OAS2: variants seen among roughly 807,000 people sequenced by gnomAD.
OAS2 encodes the protein 2'-5'-oligoadenylate synthase 2.
A neutral mutation model predicts 71.3 loss-of-function variants in OAS2; 67 were observed. That is an observed-to-expected ratio of 0.94 (90% CI 0.77 to 1.15). The LOEUF (loss-of-function observed/expected upper bound fraction) is 1.15, where lower values mean the gene tolerates loss of function less well. Among genes scored for constraint, OAS2 ranks in the 50% most tolerant of loss-of-function variants. The pLI, the probability that OAS2 is intolerant of heterozygous loss-of-function variation, is 0.00. For missense variants in OAS2, 789 were observed against 822.5 expected, an observed-to-expected ratio of 0.96 and a Z score of 0.50; for synonymous variants, 327 against 321.8, an observed-to-expected ratio of 1.02 and a Z score of -0.17.
chr12:113,010,632 T>C lies in OAS2; in HGVS notation c.*1377T>C, dbSNP rs2044372594. ...CAAGACTGCAAACCCTTTCATAAAG[T>C]CTTGCCTTGCTGAACTCCCTCTCTG... On this transcript the variant is annotated 3_prime_UTR_variant, in exon 10 of 10. Coordinates refer to ENST00000392583, the MANE Select transcript of OAS2 (RefSeq NM_002535.3). 1.4e-5 allele frequency: 18 copies of C among 1,251,150 alleles called. No homozygotes were observed. The highest frequency in any genetic ancestry group is 1.9e-5 in the Non-Finnish European group (18 of 963,000). The allele number at this position is 1,251,150 out of a possible 1,614,324, so 77.5% of individuals were successfully genotyped here. A position where few individuals can be genotyped will look rare whatever the true frequency, so the allele number is the denominator to read the frequency against.
At chr12:113,005,920 A>ACAACAACAAT (rs57002769) in intron 7 of OAS2, among the ~76,000 whole-genome samples, 1 of 32,748 alleles carries the variant, frequency 3.1e-5, no homozygotes, top group Non-Finnish European at 5.1e-5. Context: ...AACAACAACA[A>ACAACAACAAT]AAAAAAAAAA....
chr12:112,980,377 A>G (rs1205185001), intron 1 of OAS2, among the ~76,000 whole-genome samples: 1 of 152,204 alleles, frequency 6.6e-6, no homozygotes, highest in Non-Finnish European at 1.5e-5. Context: ...GTTTGTATCC[A>G]TTAACCAACT....
chr12:112,995,460 C>T lies in OAS2; in HGVS notation c.613C>T (p.His205Tyr). The change falls in exon 3 of 10, where the codon CAC (histidine) becomes TAC (tyrosine). Residue 205 changes from histidine to tyrosine, a missense_variant. His to Tyr is a moderately conservative substitution (Grantham distance 83, BLOSUM62 2). Coordinates refer to ENST00000392583, the MANE Select transcript of OAS2 (RefSeq NM_002535.3). ...KLKDLILLIK[H>Y]WHQQCQKKIK... ...AAAGGATTTGATCCTCTTGATAAAGCACTGGCATCAACAGGTAATTTTCCA... is the reference window on the plus strand; with the variant it reads ...AAAGGATTTGATCCTCTTGATAAAGTACTGGCATCAACAGGTAATTTTCCA... 1 of 1,613,430 alleles carries T rather than the reference C, an allele frequency of 6.2e-7. No individual in the cohort carries two copies. Among genetic ancestry groups the T allele is most frequent in the East Asian group, 2.2e-5 (1 of 44,880 alleles).
intron 1 of OAS2, among the ~76,000 whole-genome samples, chr12:112,984,856 CCT>C (rs1409427397): frequency 6.6e-6 from 1 of 152,002 alleles, no homozygotes; most frequent in Non-Finnish European, 1.5e-5. Context: ...TGATGAATTC[CCT>C]CTGTTTTTGC....
chr12:112,983,251 T>G (rs939007638), intron 1 of OAS2, among the ~76,000 whole-genome samples: 20 of 152,122 alleles, frequency 1.3e-4, no homozygotes, highest in African/African-American at 4.6e-4. Flanking sequence ...TTGAGATGGA[T>G]TTTTGCTTTT....
chr12:112,993,364 T>C (rs2044208120), intron 2 of OAS2, among the ~76,000 whole-genome samples: 1 of 152,188 alleles, frequency 6.6e-6, no homozygotes, highest in Admixed American at 6.5e-5. Flanking sequence ...ACTTGCCAGC[T>C]AAGAGTTTTG....
chr12:112,982,430 T>C (rs2044092771), intron 1 of OAS2, among the ~76,000 whole-genome samples: 1 of 152,248 alleles, frequency 6.6e-6, no homozygotes, highest in Non-Finnish European at 1.5e-5. Flanking sequence ...AGGATAATCA[T>C]ATGATTTGTC....
chr12:112,978,729 A>G lies in OAS2; in HGVS notation c.121A>G (p.Ile41Val). ...QTLIDEMVNT[I>V]CDVLQEPEQF... is the part of the protein sequence containing the mutation. ...ACTGATCGACGAGATGGTGAACACC[A>G]TCTGTGACGTCCTGCAGGAACCCGA... Residue 41 changes from isoleucine (I) to valine (V), a missense_variant, in exon 1 of 10, where the codon ATC becomes GTC. Coordinates refer to ENST00000392583, the MANE Select transcript of OAS2 (RefSeq NM_002535.3). The surrounding 1 kb of genome is among the most constrained non-coding windows in gnomAD (Gnocchi z 4.2). 2 of 1,614,146 alleles carry G rather than the reference A, an allele frequency of 1.2e-6. No homozygotes were observed. Among genetic ancestry groups the G allele is most frequent in the Non-Finnish European group, 1.7e-6 (2 of 1,180,002 alleles).
intron 1 of OAS2, 136 bp from the exon 2 acceptor site, chr12:112,986,901 TG>T: frequency 8.6e-7 from 1 of 1,161,488 alleles, no homozygotes; most frequent in Non-Finnish European, 1.2e-6. Context: ...CAGGTCTTTG[TG>T]GGGCAAATGG....
intron 3 of OAS2, among the ~76,000 whole-genome samples, chr12:112,995,941 A>G (rs2044229238): frequency 6.6e-6 from 1 of 152,032 alleles, no homozygotes; most frequent in Non-Finnish European, 1.5e-5. Flanking sequence ...AGCTGGAACT[A>G]CAGGAGTGTG....
rs567117003 is a variant in OAS2, at chr12:113,005,036, C to A, written c.1282C>A (p.Arg428=). ...LKSYTSQKNE[R]HKIVKEIHEQ... Reference sequence around the variant, plus strand: ...AAGCTACACCTCCCAAAAAAACGAGCGGCACAAAATCGTCAAGGAAATCCA... The same window carrying A: ...AAGCTACACCTCCCAAAAAAACGAGAGGCACAAAATCGTCAAGGAAATCCA... Residue 428 remains arginine (R), a synonymous_variant, in exon 7 of 10, where the codon CGG becomes AGG. Transcript: ENST00000392583. The A allele has an allele frequency of 2.5e-6, 4 of 1,614,012 alleles. No individual in the cohort carries two copies. Among genetic ancestry groups the A allele is most frequent in the Non-Finnish European group, 3.4e-6 (4 of 1,180,026 alleles).
intron 6 of OAS2, 132 bp from the exon 7 acceptor site, chr12:113,004,802 G>A: frequency 2.6e-6 from 2 of 758,826 alleles, no homozygotes; most frequent in South Asian, 3.6e-5. Context: ...TTTGGACTCA[G>A]CCCTCACTGA....
chr12:112,987,566 C>T, intron 2 of OAS2: 2 of 1,342,056 alleles, frequency 1.5e-6, no homozygotes, highest in Non-Finnish European at 1.9e-6. Context: ...TTAAGCCATA[C>T]TGTACACATA....
chr12:112,997,645 A>C lies in OAS2; in HGVS notation c.753A>C (p.Val251=), dbSNP rs1293755. The change falls in exon 4 of 10, where the codon GTA becomes GTC. Residue 251 remains valine (V), a synonymous_variant. Coordinates refer to ENST00000392583, the MANE Select transcript of OAS2 (RefSeq NM_002535.3). ...NFDIAEGVRT[V]LELIKCQEKL... ...ACATTGCTGAAGGCGTCAGAACCGT[A>C]CTGGAGCTGATCAAATGCCAGGAGA... 6.2e-7 allele frequency: 1 copy of C among 1,614,006 alleles called. No homozygotes were observed. The highest frequency in any genetic ancestry group is 1.3e-5 in the African/African-American group (1 of 75,034).
In OAS2 at chr12:112,998,250, C is replaced by A; in HGVS notation, c.864-16C>A. 1 of 1,605,806 alleles carries A rather than the reference C, an allele frequency of 6.2e-7. No homozygotes were observed. ...AGCAGCTCAACTGACTTTTTTTAAT[C>A]TAATGGAATACACAGGCCAGTAATC... On this transcript the variant is annotated splice_polypyrimidine_tract_variant and intron_variant, in intron 4 of 9. Coordinates refer to ENST00000392583, the MANE Select transcript of OAS2 (RefSeq NM_002535.3).
At chr12:113,004,003 A>G (rs922471822) in intron 6 of OAS2, among the ~76,000 whole-genome samples, 40 of 152,312 alleles carry the variant, frequency 2.6e-4, no homozygotes, top group African/African-American at 8.7e-4. Flanking sequence ...CTGAAACCCC[A>G]TTCACATGAT....
chr12:112,991,730 G>C (rs1432121403), intron 2 of OAS2, among the ~76,000 whole-genome samples: 1 of 152,194 alleles, frequency 6.6e-6, no homozygotes, highest in Non-Finnish European at 1.5e-5. Flanking sequence ...GAAGTTCCCA[G>C]CTTGACTTTT....
At chr12:112,986,664 T>C (rs1393745329) in intron 1 of OAS2, among the ~76,000 whole-genome samples, 1 of 151,728 alleles carries the variant, frequency 6.6e-6, no homozygotes, top group East Asian at 1.9e-4. Flanking sequence ...CCTAATGGTG[T>C]GTGCAGGTGC....
Position 113,011,556 on chromosome 12 carries a change from T to C in OAS2, c.*2301T>C, listed in dbSNP as rs971852935. ...CTCTGGACAGTGAGGCTTGGGGAGCTTCCTGATTGGCAGACATTCCAATGT... is the reference window on the plus strand; with the variant it reads ...CTCTGGACAGTGAGGCTTGGGGAGCCTCCTGATTGGCAGACATTCCAATGT... On this transcript the variant is annotated 3_prime_UTR_variant, in exon 10 of 10. Transcript: ENST00000392583. 6.6e-6 allele frequency: 1 copy of C among 152,190 alleles called. No homozygotes were observed. Among genetic ancestry groups the C allele is most frequent in the Non-Finnish European group, 1.5e-5 (1 of 68,042 alleles). 9.4% of individuals were successfully genotyped at this position (152,190 alleles called of 1,614,324 possible).
Sources: allele counts gnomAD v4.1 joint callset (sites outside exome capture counted in the v4.1 genomes callset), GRCh38; gene constraint gnomAD v4.1.1; non-coding constraint Gnocchi (gnomAD v3.1); transcripts MANE v1.5; gene names NCBI Gene and HGNC (gene_info 2026-07-23, HGNC 2026-07-21).